GARNL3: variants seen among roughly 807,000 people sequenced by gnomAD.
The protein encoded by GARNL3 is GTPase activating Rap/RanGAP domain like 3, also known as GTPase-activating Rap/Ran-GAP domain-like protein 3.
GARNL3 carries 63 observed loss-of-function variants against 125.0 expected under a neutral mutation model. That is an observed-to-expected ratio of 0.50 (90% CI 0.41 to 0.62). The LOEUF (loss-of-function observed/expected upper bound fraction) is 0.62, where lower values mean the gene tolerates loss of function less well. Among genes scored for constraint, GARNL3 ranks in the 20% least tolerant of loss-of-function variants. GARNL3 has a pLI of 0.00. For missense variants in GARNL3, 994 were observed against 1,244.0 expected (o/e 0.80, Z 3.02); for synonymous variants, 439 against 457.5 (o/e 0.96, Z 0.52).
chr9:127,331,720 C>CTGTTTTTTTTTTTTTTT (rs1829253372), intron 7 of GARNL3, among the ~76,000 whole-genome samples: 2 of 74,416 alleles, frequency 2.7e-5, no homozygotes, highest in Admixed American at 1.9e-4. Flanking sequence ...CTTGGGCTTG[C>CTGTTTTTTTTTTTTTTT]TTTTTTTTTT....
intron 22 of GARNL3, among the ~76,000 whole-genome samples, chr9:127,378,601 A>C (rs915010058): frequency 6.6e-6 from 1 of 152,176 alleles, no homozygotes; most frequent in African/African-American, 2.4e-5. Flanking sequence ...AAAAAAAAAA[A>C]AAAACAGATA....
chr9:127,340,813 A>G (rs1829823537), intron 13 of GARNL3, among the ~76,000 whole-genome samples: 1 of 151,860 alleles, frequency 6.6e-6, no homozygotes, highest in Non-Finnish European at 1.5e-5. Context: ...GGACAGGCAC[A>G]TGTTGTTTCT....
chr9:127,225,347 C>G, intron 1 of GARNL3: 1 of 984,542 alleles, frequency 1.0e-6, no homozygotes, highest in Non-Finnish European at 1.2e-6. Flanking sequence ...CCGCTGCGCT[C>G]CTGCGGCAGA....
chr9:127,284,263 T>C (rs935026346), intron 1 of GARNL3, among the ~76,000 whole-genome samples: 2 of 152,206 alleles, frequency 1.3e-5, no homozygotes, highest in African/African-American at 2.4e-5. Flanking sequence ...TCCTAGAAAA[T>C]TTGCCATTTC....
intron 1 of GARNL3, among the ~76,000 whole-genome samples, chr9:127,228,465 A>G (rs1006204531): frequency 6.6e-6 from 1 of 152,208 alleles, no homozygotes; most frequent in Non-Finnish European, 1.5e-5. Flanking sequence ...AATACTAGGC[A>G]TTATCATTTA....
intron 1 of GARNL3, among the ~76,000 whole-genome samples, chr9:127,272,769 G>A (rs1037446420): frequency 1.9e-4 from 29 of 152,126 alleles, no homozygotes; most frequent in African/African-American, 6.5e-4. Flanking sequence ...CAGGTACAAA[G>A]TATATCAGAA....
At chr9:127,381,004 G>T (rs1410225255) in intron 22 of GARNL3, among the ~76,000 whole-genome samples, 1 of 152,104 alleles carries the variant, frequency 6.6e-6, no homozygotes, top group Non-Finnish European at 1.5e-5. Flanking sequence ...TCAGCCTCCC[G>T]AATAGCTGGG....
chr9:127,254,408 T>TA (rs2063459380), intron 2 of GARNL3, among the ~76,000 whole-genome samples: 1 of 152,130 alleles, frequency 6.6e-6, no homozygotes, highest in East Asian at 1.9e-4. Context: ...AAACAAAATT[T>TA]AAAAAGAAAA....
intron 2 of GARNL3, among the ~76,000 whole-genome samples, chr9:127,302,868 C>T (rs1339183624): frequency 6.6e-6 from 1 of 152,114 alleles, no homozygotes; most frequent in Non-Finnish European, 1.5e-5. Flanking sequence ...GAAATATTCC[C>T]GGGCTGGGCA....
rs560528364 is a variant in GARNL3, at chr9:127,372,486, T to G, written c.2161+7120T>G. On this transcript the variant is annotated intron_variant, in intron 22 of 27. Transcript: ENST00000373387. ...ATATCTGACTTGTACAAAATATCTTTTAGGGACAGTAGTTTTTATGCTGGC... is the reference window on the plus strand; with the variant it reads ...ATATCTGACTTGTACAAAATATCTTGTAGGGACAGTAGTTTTTATGCTGGC... 7.2e-5 allele frequency among the ~76,000 whole-genome samples: 11 copies of G among 152,338 alleles called. 3 individuals are homozygous for G. In the South Asian group the frequency reaches 2.3e-3, roughly 32 times the overall value.
At position 127,390,646 on chromosome 9, in the gene GARNL3, T is replaced by C; in HGVS notation, c.2749T>C (p.Ser917Pro). 1 of 1,613,918 alleles carries C rather than the reference T, an allele frequency of 6.2e-7. No homozygotes were observed. The highest frequency in any genetic ancestry group is 8.5e-7 in the Non-Finnish European group (1 of 1,179,882). The change falls in exon 27 of 28, where the codon TCG becomes CCG. Residue 917 changes from serine to proline, a missense_variant. By Grantham distance (74) the Ser-to-Pro change is moderately conservative. Transcript: ENST00000373387. ...ACCTATGATTCTCAATCCAGGCCTC[T>C]CGGATGAAGGTGGACCCAAGTCAGA... ...SRTRRELLGL[S>P]DEGGPKSEGA... is the part of the protein sequence containing the mutation.
At chr9:127,388,791 T>A in intron 25 of GARNL3, 113 bp from the exon 26 acceptor site, 4 of 708,988 alleles carry the variant, frequency 5.6e-6, no homozygotes, top group Non-Finnish European at 1.0e-5. Context: ...TACAGATCAG[T>A]GTGTGACATA....
intron 25 of GARNL3, among the ~76,000 whole-genome samples, chr9:127,387,712 C>T (rs1265991124): frequency 2.1e-5 from 3 of 144,782 alleles, no homozygotes; most frequent in East Asian, 2.0e-4. Context: ...CATTGCACTC[C>T]AGCCTGGGCG....
rs1275349340 is a variant in GARNL3, at chr9:127,242,910, A to G, written c.-28-169A>G. 6.6e-6 allele frequency among the ~76,000 whole-genome samples: 1 copy of G among 152,136 alleles called. No individual in the cohort carries two copies. The highest frequency in any genetic ancestry group is 2.4e-5 in the African/African-American group (1 of 41,426). ...TGGCCCAATGCTTCCTTGATGCAGT[A>G]AGGTCATATGCGGTCTTGGTGGGGC... On this transcript the variant is annotated intron_variant, in intron 1 of 10. Transcript: ENST00000439286. The surrounding 1 kb of genome is among the most constrained non-coding windows in gnomAD (Gnocchi z 4.6).
chr9:127,261,830 G>A (rs1564857523), upstream of GARNL3, among the ~76,000 whole-genome samples: 1 of 152,130 alleles, frequency 6.6e-6, no homozygotes, highest in East Asian at 1.9e-4. Flanking sequence ...AAGTCCATGA[G>A]GCCCTTGGTC....
At chr9:127,233,912 C>T (rs1470050429) in intron 1 of GARNL3, among the ~76,000 whole-genome samples, 2 of 152,076 alleles carry the variant, frequency 1.3e-5, no homozygotes. Context: ...TTGTAGTTTT[C>T]CAGACTTTCT....
chr9:127,228,098 A>G (rs1369005472), intron 1 of GARNL3, among the ~76,000 whole-genome samples: 1 of 152,220 alleles, frequency 6.6e-6, no homozygotes, highest in African/African-American at 2.4e-5. Flanking sequence ...TTTCCACTTA[A>G]TATAGTGTAA....
intron 17 of GARNL3, among the ~76,000 whole-genome samples, chr9:127,350,730 C>T (rs1830382212): frequency 6.6e-6 from 1 of 151,462 alleles, no homozygotes; most frequent in Non-Finnish European, 1.5e-5. Context: ...GAGCCAAGAT[C>T]GCAGCACTGC....
At chr9:127,243,235 G>T (rs1297903946) in exon 2 of GARNL3, 1 of 1,366,472 alleles carries the variant, frequency 7.3e-7, no homozygotes, top group Non-Finnish European at 9.8e-7. Context: ...CTGAACTAGA[G>T]TCCCAGGTCA....
Sources: allele counts gnomAD v4.1 joint callset (sites outside exome capture counted in the v4.1 genomes callset), GRCh38; gene constraint gnomAD v4.1.1; non-coding constraint Gnocchi (gnomAD v3.1); transcripts MANE v1.5; gene names NCBI Gene and HGNC (gene_info 2026-07-23, HGNC 2026-07-21).